KCNMB3: variants seen among roughly 807,000 people sequenced by gnomAD.
The protein encoded by KCNMB3 is potassium calcium-activated channel subfamily M regulatory beta subunit 3.
KCNMB3 carries 18 observed loss-of-function variants against 11.9 expected under a neutral mutation model. The ratio of observed to expected loss-of-function variants is 1.51; its 90% CI spans 1.04 to 2.23. KCNMB3 has a LOEUF of 2.23. KCNMB3 is among the 30% of genes most tolerant of loss of function. The pLI is 0.00. For missense variants in KCNMB3, 247 were observed against 329.4 expected, an observed-to-expected ratio of 0.75 and a Z score of 1.94; for synonymous variants, 78 against 119.2, an observed-to-expected ratio of 0.65 and a Z score of 2.25.
At chr3:179,263,464 G>A (rs1285847041) in intron 1 of KCNMB3, among the ~76,000 whole-genome samples, 1 of 152,256 alleles carries the variant, frequency 6.6e-6, no homozygotes, top group Non-Finnish European at 1.5e-5. Flanking sequence ...CTCAGGCGCG[G>A]CCAGAGTGGG....
chr3:179,251,693 T>G, upstream of KCNMB3: 1 of 1,205,424 alleles, frequency 8.3e-7, no homozygotes, highest in Non-Finnish European at 1.0e-6. Context: ...CACAGATGTG[T>G]TTTGTTTGGC....
At position 179,259,978 on chromosome 3, in the gene KCNMB3, C is replaced by T. The variant is rs1156744879; in HGVS notation, c.62+6671G>A. ...TCCCTACCTGCTTCTGTACTCTGCA[C>T]TGGAACCTCCTTGGGCTCAGCTGCT... On this transcript the variant is annotated intron_variant, in intron 1 of 3. Coordinates refer to the KCNMB3 transcript ENST00000349697. 15 of 1,612,978 alleles carry T rather than the reference C, an allele frequency of 9.3e-6. No homozygotes were observed. In the African/African-American group the frequency reaches 1.7e-4, roughly 19 times the overall value.
intron 1 of KCNMB3, among the ~76,000 whole-genome samples, chr3:179,264,207 T>G (rs1295317815): frequency 6.6e-6 from 1 of 152,244 alleles, no homozygotes; most frequent in African/African-American, 2.4e-5. Context: ...TCCCATGTCA[T>G]TAACAATTCT....
chr3:179,261,112 C>T (rs1726192285), intron 1 of KCNMB3: 10 of 1,247,894 alleles, frequency 8.0e-6, no homozygotes, highest in Non-Finnish European at 1.2e-5. Context: ...TTTCTGGTCT[C>T]TCTTCTACCT....
chr3:179,260,291 G>A, intron 1 of KCNMB3: 1 of 1,613,996 alleles, frequency 6.2e-7, no homozygotes, highest in Non-Finnish European at 8.5e-7. Context: ...CCTGTGCTGT[G>A]TTTTCAGGGA....
chr3:179,266,640 G>A (rs201232653), intron 1 of KCNMB3: 181 of 1,613,940 alleles, frequency 1.1e-4, no homozygotes, highest in Non-Finnish European at 1.4e-4. Flanking sequence ...GCTTCCGGAA[G>A]TGACTTACCT....
intron 1 of KCNMB3, among the ~76,000 whole-genome samples, chr3:179,257,767 T>C (rs10804878): frequency 0.47 from 71,111 of 151,764 alleles, 18,474 homozygotes; most frequent in East Asian, 0.87. Context: ...GGCTAGAGTA[T>C]AGTGGTGCAA....
At chr3:179,244,231 C>T (rs1262857723) in intron 2 of KCNMB3, among the ~76,000 whole-genome samples, 2 of 152,100 alleles carry the variant, frequency 1.3e-5, no homozygotes, top group East Asian at 3.9e-4. Flanking sequence ...AAGAAAGACT[C>T]CCCACAAATG....
At chr3:179,249,726 G>A (rs1286224215) in intron 1 of KCNMB3, among the ~76,000 whole-genome samples, 3 of 152,106 alleles carry the variant, frequency 2.0e-5, no homozygotes, top group Non-Finnish European at 2.9e-5. Flanking sequence ...TGTCATTTGC[G>A]GGGACATAGA....
At chr3:179,244,436 T>G in intron 2 of KCNMB3, 59 bp downstream of exon 2, 2 of 1,403,374 alleles carry the variant, frequency 1.4e-6, no homozygotes, top group Non-Finnish European at 2.0e-6. Flanking sequence ...TGTACCCTGC[T>G]AGGGACAGTC....
intron 1 of KCNMB3, chr3:179,261,355 G>C (rs1051829559): frequency 8.7e-6 from 10 of 1,155,814 alleles, no homozygotes; most frequent in Non-Finnish European, 1.1e-5. Flanking sequence ...CGGGCCAGGG[G>C]GCGCGCGCTC....
chr3:179,245,812 A>C (rs1725622678), intron 1 of KCNMB3, among the ~76,000 whole-genome samples: 1 of 152,150 alleles, frequency 6.6e-6, no homozygotes, highest in Non-Finnish European at 1.5e-5. Flanking sequence ...ATTAAATTTT[A>C]CTTGGAAAAT....
chr3:179,259,029 G>T, intron 1 of KCNMB3: 2 of 1,613,760 alleles, frequency 1.2e-6, no homozygotes, highest in Non-Finnish European at 1.7e-6. Flanking sequence ...TTAGGACATG[G>T]TACGGTCTTC....
exon 1 of KCNMB3, chr3:179,266,953 G>GA: frequency 3.8e-6 from 5 of 1,298,958 alleles, no homozygotes; most frequent in Non-Finnish European, 4.9e-6. Flanking sequence ...GATCAAGAAG[G>GA]ACCTGCGTGG....
At chr3:179,255,027 T>C (rs1560159021), upstream of KCNMB3, among the ~76,000 whole-genome samples, 1 of 152,020 alleles carries the variant, frequency 6.6e-6, no homozygotes, top group South Asian at 2.1e-4. Context: ...TAGCCAGGTG[T>C]AGTGGCAGGC....
chr3:179,266,533 G>C, intron 1 of KCNMB3: 1 of 1,198,136 alleles, frequency 8.3e-7, no homozygotes, highest in Non-Finnish European at 1.2e-6. Context: ...ATGGCAAGTG[G>C]GCATCCTCAG....
At position 179,244,406 on chromosome 3, in the gene KCNMB3, A is replaced by C. The variant is rs563774672; in HGVS notation, c.447+89T>G. ...TCCAAAAAAATAGATTTATCCCTAA[A>C]GACAGCCCTGGGTTATTTATGTACC... On this transcript the variant is annotated intron_variant, in intron 2 of 2. Transcript: ENST00000392685. The C allele has an allele frequency of 7.7e-6, 8 of 1,035,158 alleles. No individual in the cohort carries two copies. The East Asian group carries it at 1.9e-4, about 25-fold the overall frequency. 64.1% of individuals were successfully genotyped at this position (1,035,158 alleles called of 1,614,324 possible).
chr3:179,241,876 T>A (rs1401064714), downstream of KCNMB3: 2 of 154,166 alleles, frequency 1.3e-5, no homozygotes, highest in East Asian at 3.8e-4. Flanking sequence ...ACGATGTGGA[T>A]CATCTGAGAT....
chr3:179,260,288 T>C (rs1328053141), intron 1 of KCNMB3: 4 of 1,613,946 alleles, frequency 2.5e-6, no homozygotes, highest in South Asian at 2.2e-5. Flanking sequence ...CAACCTGTGC[T>C]GTGTTTTCAG....
Sources: gnomAD v4.1 joint callset for allele counts (sites outside exome capture counted in the v4.1 genomes callset) on GRCh38, gnomAD v4.1.1 for gene constraint, MANE v1.5 for transcripts, NCBI Gene and HGNC (gene_info 2026-07-23, HGNC 2026-07-21) for gene names.